RAB28: variants seen among roughly 807,000 people sequenced by gnomAD.
RAB28 encodes ras-related protein Rab-28.
A neutral mutation model predicts 31.7 loss-of-function variants in RAB28; 24 were observed. The observed-to-expected ratio is 0.76, with a 90% confidence interval of 0.55 to 1.06. The LOEUF (loss-of-function observed/expected upper bound fraction) is 1.06. Among genes scored for constraint, RAB28 ranks in the 50% least tolerant of loss-of-function variants. The pLI, the probability that RAB28 is intolerant of heterozygous loss-of-function variation, is 0.00. For missense variants in RAB28, 254 were observed against 258.5 expected (o/e 0.98, Z 0.12); for synonymous variants, 100 against 90.4 (o/e 1.11, Z -0.60).
chr4:13,385,224 T>C (rs759676324), intron 4 of RAB28, among the ~76,000 whole-genome samples: 1 of 152,104 alleles, frequency 6.6e-6, no homozygotes, highest in Admixed American at 6.6e-5. Flanking sequence ...AATCCACAAC[T>C]CATTGGTGTC....
At chr4:13,412,201 G>A (rs1342931692) in intron 4 of RAB28, among the ~76,000 whole-genome samples, 1 of 152,094 alleles carries the variant, frequency 6.6e-6, no homozygotes, top group African/African-American at 2.4e-5. Flanking sequence ...TAACAGAGGA[G>A]AGCTATCCAG....
intron 3 of RAB28, among the ~76,000 whole-genome samples, chr4:13,464,699 C>A (rs1715759657): frequency 6.6e-6 from 1 of 152,048 alleles, no homozygotes; most frequent in African/African-American, 2.4e-5. Flanking sequence ...ACACTAAATG[C>A]AGCACAGTGT....
intron 4 of RAB28, among the ~76,000 whole-genome samples, chr4:13,455,838 A>G (rs1028347992): frequency 6.6e-6 from 1 of 152,244 alleles, no homozygotes; most frequent in African/African-American, 2.4e-5. Flanking sequence ...TCTCTGGACC[A>G]ATCTGATCTG....
chr4:13,480,884 C>T (rs1473130968), intron 1 of RAB28, among the ~76,000 whole-genome samples: 1 of 151,866 alleles, frequency 6.6e-6, no homozygotes, highest in Non-Finnish European at 1.5e-5. Context: ...TTCTCATCTA[C>T]ACTATATTAT....
rs919758925 is a variant in RAB28 at position 13,472,046 on chromosome 4, C to T, written c.261+2272G>A. 2.6e-4 allele frequency among the ~76,000 whole-genome samples: 39 copies of T among 152,170 alleles called. 1 individual carries two copies. Among genetic ancestry groups the T allele is most frequent in the Non-Finnish European group, 2.1e-4 (14 of 67,964 alleles). ...ATTAATGTCTGCTTACTGTAGGCAG[C>T]TTTGTAATAACATAAAATATATACT... On this transcript the variant is annotated intron_variant, in intron 3 of 6. Transcript: ENST00000330852.
intron 4 of RAB28, among the ~76,000 whole-genome samples, chr4:13,412,374 G>A (rs1286147298): frequency 6.6e-6 from 1 of 152,044 alleles, no homozygotes; most frequent in Non-Finnish European, 1.5e-5. Context: ...GGAGAAGTGG[G>A]GATCTATACA....
intron 4 of RAB28, among the ~76,000 whole-genome samples, chr4:13,382,719 G>A (rs748257595): frequency 3.8e-5 from 4 of 105,996 alleles, no homozygotes; most frequent in Admixed American, 1.3e-4. Flanking sequence ...TTTTTTTTGA[G>A]ACAGAGTCTT....
chr4:13,373,666 A>G (rs1236704895), intron 6 of RAB28, among the ~76,000 whole-genome samples: 1 of 152,178 alleles, frequency 6.6e-6, no homozygotes, highest in Non-Finnish European at 1.5e-5. Context: ...CATTTTATAT[A>G]ACTCCCAAAT....
At chr4:13,445,221 C>A (rs1427466593) in intron 4 of RAB28, among the ~76,000 whole-genome samples, 7 of 151,854 alleles carry the variant, frequency 4.6e-5, no homozygotes, top group Non-Finnish European at 1.0e-4. Flanking sequence ...TGTTTTTCAG[C>A]TCCATCAGGT....
chr4:13,371,401 T>C, intron 6 of RAB28: 3 of 985,322 alleles, frequency 3.0e-6, no homozygotes, highest in Non-Finnish European at 3.6e-6. Context: ...ATTTTCATAA[T>C]CAGTAAGCAA....
chr4:13,449,410 G>T (rs73231508), intron 4 of RAB28, among the ~76,000 whole-genome samples: 85 of 151,894 alleles, frequency 5.6e-4, no homozygotes, highest in African/African-American at 1.9e-3. Flanking sequence ...TCTTTTAAAA[G>T]CCTGCTGATA....
At chr4:13,395,314 T>C (rs1729827339) in intron 4 of RAB28, among the ~76,000 whole-genome samples, 1 of 152,134 alleles carries the variant, frequency 6.6e-6, no homozygotes, top group African/African-American at 2.4e-5. Context: ...GCCTCATCAC[T>C]TGATTACACA....
intron 4 of RAB28, among the ~76,000 whole-genome samples, chr4:13,383,202 T>C (rs1040620370): frequency 6.6e-6 from 1 of 152,132 alleles, no homozygotes; most frequent in Non-Finnish European, 1.5e-5. Context: ...ACTTTTCTAA[T>C]TCAACAAGAG....
In RAB28 at chr4:13,478,949, T is replaced by C. The variant is rs1006276108; in HGVS notation, c.172+481A>G. Among the ~76,000 whole-genome samples the C allele has an allele frequency of 3.3e-5, 5 of 151,642 alleles. No individual in the cohort carries two copies. The East Asian group carries it at 5.8e-4, about 18-fold the overall frequency. On this transcript the variant is annotated intron_variant, in intron 2 of 6. Coordinates refer to ENST00000330852, the MANE Select transcript of RAB28 (RefSeq NM_001017979.3). ...GGTCTATTAAATGCCAGCAATTTCATGCTGCCTTGCATAAAACAGCATTCA... is the reference window on the plus strand; with the variant it reads ...GGTCTATTAAATGCCAGCAATTTCACGCTGCCTTGCATAAAACAGCATTCA...
intron 4 of RAB28, among the ~76,000 whole-genome samples, chr4:13,417,498 C>T (rs1368145500): frequency 6.6e-6 from 1 of 152,132 alleles, no homozygotes; most frequent in Non-Finnish European, 1.5e-5. Context: ...AGGGGCCAAC[C>T]GACACCTCGT....
At chr4:13,451,463 T>G (rs528409894) in intron 4 of RAB28, among the ~76,000 whole-genome samples, 58 of 151,384 alleles carry the variant, frequency 3.8e-4, no homozygotes, top group African/African-American at 1.4e-3. Context: ...GCATCCCTTC[T>G]ATAATTTGGT....
At chr4:13,465,803 T>G (rs1715815519) in intron 3 of RAB28, among the ~76,000 whole-genome samples, 1 of 146,378 alleles carries the variant, frequency 6.8e-6, no homozygotes, top group Non-Finnish European at 1.5e-5. Flanking sequence ...GCAGGCATCA[T>G]ACTACTTGAT....
intron 3 of RAB28, among the ~76,000 whole-genome samples, chr4:13,462,226 G>A (rs945656261): frequency 1.5e-4 from 23 of 152,100 alleles, no homozygotes; most frequent in South Asian, 2.1e-4. Flanking sequence ...ACAGTTTGCC[G>A]TAATCTTTGC....
chr4:13,381,959 T>A (rs962265089), intron 4 of RAB28, among the ~76,000 whole-genome samples: 4 of 152,216 alleles, frequency 2.6e-5, no homozygotes, highest in African/African-American at 9.6e-5. Context: ...ACATGGTGAT[T>A]AATTGAAGGC....
Sources: allele counts gnomAD v4.1 joint callset (sites outside exome capture counted in the v4.1 genomes callset), GRCh38; gene constraint gnomAD v4.1.1; transcripts MANE v1.5; gene names NCBI Gene and HGNC (gene_info 2026-07-23, HGNC 2026-07-21).